TSEN2: variants seen among roughly 807,000 people sequenced by gnomAD.
TSEN2 encodes the protein tRNA-splicing endonuclease subunit Sen2.
TSEN2 carries 54 observed loss-of-function variants against 59.2 expected under a neutral mutation model. That is an observed-to-expected ratio of 0.91 (90% CI 0.73 to 1.14). TSEN2 has a LOEUF of 1.14. Among genes scored for constraint, TSEN2 ranks in the 50% most tolerant of loss-of-function variants. The pLI is 0.00. For synonymous variants in TSEN2, 195 were observed against 198.2 expected (o/e 0.98, Z 0.14); for missense variants, 636 against 576.2 (o/e 1.10, Z -1.06).
At chr3:12,526,585 T>G (rs1301661488) in intron 8 of TSEN2, among the ~76,000 whole-genome samples, 1 of 152,234 alleles carries the variant, frequency 6.6e-6, no homozygotes, top group Non-Finnish European at 1.5e-5. Context: ...GACTCATATC[T>G]TAGAACGTAT....
At chr3:12,483,956 G>A (rs966856374), upstream of TSEN2, among the ~76,000 whole-genome samples, 4 of 152,282 alleles carry the variant, frequency 2.6e-5, no homozygotes, top group South Asian at 2.1e-4. Flanking sequence ...TGGACCTGCC[G>A]CCTATTGTCC....
At chr3:12,505,329 A>T (rs1559311151) in intron 6 of TSEN2, 98 bp downstream of exon 6, 1 of 797,796 alleles carries the variant, frequency 1.3e-6, no homozygotes, top group Non-Finnish European at 2.2e-6. Flanking sequence ...TATGTAATTC[A>T]ATTATTGAAT....
At chr3:12,498,728 T>G (rs894905224) in intron 4 of TSEN2, among the ~76,000 whole-genome samples, 5 of 152,204 alleles carry the variant, frequency 3.3e-5, no homozygotes, top group African/African-American at 1.2e-4. Flanking sequence ...TTTCCCCGTG[T>G]GAACCTAAGG....
chr3:12,528,982 C>T (rs2057288251), intron 9 of TSEN2, 58 bp downstream of exon 9: 3 of 1,593,650 alleles, frequency 1.9e-6, no homozygotes, highest in Non-Finnish European at 2.6e-6. Context: ...AATTTCTGGC[C>T]TCTAATTTAA....
At chr3:12,528,784 C>T in intron 8 of TSEN2, 104 bp from the exon 9 acceptor site, 1 of 1,200,578 alleles carries the variant, frequency 8.3e-7, no homozygotes, top group Non-Finnish European at 1.2e-6. Context: ...GTATTTGCTT[C>T]CTTTTGGAGA....
rs562678480 is a variant in TSEN2, at chr3:12,508,719, G to A, written c.909+3488G>A. Among the ~76,000 whole-genome samples the A allele has an allele frequency of 3.5e-4, 53 of 152,302 alleles. 2 individuals carry two copies. The South Asian group carries it at 0.01, about 30-fold the overall frequency. ...ACAGAGATTTGGAAATTTTCATAGA[G>A]TAATTGAAGAGCTATAAACTGTATT... is the stretch of plus-strand genomic sequence containing the variant. On this transcript the variant is annotated intron_variant, in intron 6 of 11. Coordinates refer to ENST00000284995, the MANE Select transcript of TSEN2 (RefSeq NM_025265.4).
chr3:12,518,597 A>G (rs1292490107), intron 7 of TSEN2, among the ~76,000 whole-genome samples: 1 of 152,226 alleles, frequency 6.6e-6, no homozygotes, highest in African/African-American at 2.4e-5. Flanking sequence ...ATTTTCTGGT[A>G]ACCACATTAA....
intron 5 of TSEN2, among the ~76,000 whole-genome samples, chr3:12,504,151 G>A (rs1263291692): frequency 6.6e-6 from 1 of 152,170 alleles, no homozygotes; most frequent in Non-Finnish European, 1.5e-5. Flanking sequence ...ACGTCATGAA[G>A]GGACTTGCTG....
chr3:12,503,776 A>G lies in TSEN2; in HGVS notation c.823A>G (p.Asn275Asp), dbSNP rs1216719100. 7 of 1,613,948 alleles carry G rather than the reference A, an allele frequency of 4.3e-6. No homozygotes were observed. Among genetic ancestry groups the G allele is most frequent in the Non-Finnish European group, 3.4e-6 (4 of 1,179,978 alleles). Residue 275 changes from asparagine to aspartate, a missense_variant, in exon 5 of 12, where the codon AAT becomes GAT. By Grantham distance (23) the Asn-to-Asp change is conservative. Transcript: ENST00000284995. ...CAMSEREAAP[N>D]EELVQRNRLI... ...CATGAGCGAGAGGGAGGCTGCCCCA[A>G]ATGAGGAAGTAAGTAGAAGAAAATA...
At chr3:12,506,928 C>G in intron 6 of TSEN2, 12 of 931,240 alleles carry the variant, frequency 1.3e-5, no homozygotes, top group Non-Finnish European at 1.5e-5. Context: ...GGCGCCGTGG[C>G]TCACACCTGT....
In TSEN2 at chr3:12,523,526, C is replaced by CTTTTTTTTTTTTTTTTTTTTTTTTTT. The variant is rs546904336; in HGVS notation, c.1099+4354_1099+4355insTTTTTTTTTTTTTTTTTTTTTTTTTT. On this transcript the variant is annotated intron_variant, in intron 8 of 11. Transcript: ENST00000284995. ...CTTCTCCTCATCTTCCTCTTTGATT[C>CTTTTTTTTTTTTTTTTTTTTTTTTTT]TTTTTTTTTTTTTTTTTTTTTTTTT... Among the ~76,000 whole-genome samples, 150 of 46,476 alleles carry CTTTTTTTTTTTTTTTTTTTTTTTTTT rather than the reference C, an allele frequency of 3.2e-3. 29 individuals are homozygous for CTTTTTTTTTTTTTTTTTTTTTTTTTT. The highest frequency in any genetic ancestry group is 3.9e-3 in the Non-Finnish European group (90 of 23,028). 30.5% of individuals were successfully genotyped at this position (46,476 alleles called of 152,430 possible). A position where few individuals can be genotyped will look rare whatever the true frequency, so the allele number is the denominator to read the frequency against.
In TSEN2 at chr3:12,532,708, A is replaced by G. The variant is rs1447695502; in HGVS notation, c.1385A>G (p.Gln462Arg). The change falls in exon 12 of 12, where the codon CAA becomes CGA. Residue 462 changes from glutamine (Q) to arginine (R), a missense_variant. Coordinates refer to ENST00000284995, the MANE Select transcript of TSEN2 (RefSeq NM_025265.4). ...GTTTCTTCACGAGAGAGGAGTGACC[A>G]AGACGATCTTTAACAATTCAACCTC... is the stretch of plus-strand genomic sequence containing the variant. ...RWVSSRERSD[Q>R]DDL 1.2e-6 allele frequency: 2 copies of G among 1,614,176 alleles called. No homozygotes were observed. Among genetic ancestry groups the G allele is most frequent in the Non-Finnish European group, 1.7e-6 (2 of 1,180,022 alleles).
At chr3:12,505,094 TTCTC>T in intron 5 of TSEN2, 56 bp from the exon 6 acceptor site, 3 of 959,638 alleles carry the variant, frequency 3.1e-6, no homozygotes, top group Non-Finnish European at 5.1e-6. Context: ...TTAAAATACA[TTCTC>T]TATGACATGT....
intron 4 of TSEN2, among the ~76,000 whole-genome samples, chr3:12,499,970 G>C (rs942420237): frequency 6.6e-6 from 1 of 152,178 alleles, no homozygotes; most frequent in East Asian, 1.9e-4. Context: ...AATAGGGAAC[G>C]GTGCCCTGTG....
intron 1 of TSEN2, among the ~76,000 whole-genome samples, chr3:12,488,697 T>TAA (rs1559270487): frequency 6.6e-6 from 1 of 152,258 alleles, no homozygotes; most frequent in Non-Finnish European, 1.5e-5. Flanking sequence ...TTTGGCTTTC[T>TAA]GTTCTCCCTC....
rs1559335433 is a variant in TSEN2 at position 12,516,439 on chromosome 3, AAAATATATGTGTG to A, written c.910-171_910-159del. ...GACTCCGTTTCAAAAACAAACAAAC[AAAATATATGTGTG>A]TGTGTGTGTGTGTGTGTGTGTGTGT... is the stretch of plus-strand genomic sequence containing the variant. On this transcript the variant is annotated intron_variant, in intron 6 of 11. Transcript: ENST00000284995. Among the ~76,000 whole-genome samples, 128 of 73,982 alleles carry A rather than the reference AAAATATATGTGTG, an allele frequency of 1.7e-3. 1 individual carries two copies. Among genetic ancestry groups the A allele is most frequent in the South Asian group, 3.3e-3 (8 of 2,458 alleles). 48.5% of individuals were successfully genotyped at this position (73,982 alleles called of 152,430 possible). A position where few individuals can be genotyped will look rare whatever the true frequency, so the allele number is the denominator to read the frequency against.
intron 10 of TSEN2, 186 bp from the exon 11 acceptor site, chr3:12,531,384 G>T (rs1195794097): frequency 5.0e-6 from 3 of 594,310 alleles, no homozygotes; most frequent in African/African-American, 3.7e-5. Flanking sequence ...TTACTAAACG[G>T]CAGGTACTTA....
At chr3:12,506,595 A>G in intron 6 of TSEN2, 1 of 652,270 alleles carries the variant, frequency 1.5e-6, no homozygotes, top group Non-Finnish European at 1.9e-6. Flanking sequence ...AAAAAAAAAA[A>G]GTGGCTAAAA....
At chr3:12,492,930 C>A (rs1033534778) in intron 3 of TSEN2, among the ~76,000 whole-genome samples, 1 of 152,166 alleles carries the variant, frequency 6.6e-6, no homozygotes, top group Non-Finnish European at 1.5e-5. Flanking sequence ...GTTTTCTTTT[C>A]CCCCATTCCT....
Sources: allele counts gnomAD v4.1 joint callset (sites outside exome capture counted in the v4.1 genomes callset), GRCh38; gene constraint gnomAD v4.1.1; transcripts MANE v1.5; gene names NCBI Gene and HGNC (gene_info 2026-07-23, HGNC 2026-07-21).